The following ADAMTS14 variants were observed in gnomAD, a reference collection of about 807,000 sequenced individuals.
The protein encoded by ADAMTS14 is A disintegrin and metalloproteinase with thrombospondin motifs 14.
In ADAMTS14, 100 loss-of-function variants were observed where a neutral mutation model predicts 128.6. That is an observed-to-expected ratio of 0.78 (90% confidence interval 0.66 to 0.92). The LOEUF (loss-of-function observed/expected upper bound fraction) is 0.92, where lower values mean the gene tolerates loss of function less well. ADAMTS14 is among the 40% of genes least tolerant of loss of function. The probability of loss-of-function intolerance (pLI) is 0.00; values close to 1 mark genes in which losing one functional copy is unlikely to be tolerated. For synonymous variants in ADAMTS14, 665 were observed against 653.8 expected (o/e 1.02, Z -0.26); for missense variants, 1,562 against 1,658.6 (o/e 0.94, Z 1.01).
At chr10:70,738,252 C>G (rs1163771039) in intron 10 of ADAMTS14, among the ~76,000 whole-genome samples, 5 of 152,132 alleles carry the variant, frequency 3.3e-5, no homozygotes, top group Non-Finnish European at 7.4e-5. Context: ...TGTGCTAAGG[C>G]CTGTATAGAT....
At chr10:70,756,961 A>G (rs1051628319) in intron 19 of ADAMTS14, among the ~76,000 whole-genome samples, 1 of 151,900 alleles carries the variant, frequency 6.6e-6, no homozygotes, top group Non-Finnish European at 1.5e-5. Context: ...TGCTGTTTGT[A>G]ATGATTCATC....
intron 21 of ADAMTS14, among the ~76,000 whole-genome samples, chr10:70,758,873 G>A (rs1328095578): frequency 6.6e-6 from 1 of 152,166 alleles, no homozygotes; most frequent in Non-Finnish European, 1.5e-5. Flanking sequence ...CCCACGGATA[G>A]ATATTTACTG....
At chr10:70,711,160 A>C (rs1429229279) in intron 4 of ADAMTS14, among the ~76,000 whole-genome samples, 1 of 152,250 alleles carries the variant, frequency 6.6e-6, no homozygotes. Flanking sequence ...AATTGGAACT[A>C]GAGGAAGTTT....
At chr10:70,751,455 G>A (rs1842345876) in intron 16 of ADAMTS14, 23 bp from the exon 17 acceptor site, 2 of 1,592,948 alleles carry the variant, frequency 1.3e-6, no homozygotes, top group South Asian at 2.2e-5. Context: ...CTGGTCCTGT[G>A]CCAGCTCCCC....
At chr10:70,752,374 C>T in intron 18 of ADAMTS14, 147 bp downstream of exon 18, 1 of 1,224,874 alleles carries the variant, frequency 8.2e-7, no homozygotes, top group South Asian at 1.6e-5. Flanking sequence ...TTCTGGGCTC[C>T]AGGCCCAGGC....
chr10:70,679,538 G>A (rs1839741123), intron 2 of ADAMTS14, among the ~76,000 whole-genome samples: 1 of 152,218 alleles, frequency 6.6e-6, no homozygotes, highest in South Asian at 2.1e-4. Context: ...CTGCTTCTCA[G>A]TGGGGCTGCA....
intron 10 of ADAMTS14, 66 bp downstream of exon 10, chr10:70,736,859 G>A: frequency 6.8e-7 from 1 of 1,462,302 alleles, no homozygotes; most frequent in Non-Finnish European, 9.5e-7. Context: ...CTGGCATGGG[G>A]GTGGATCCCA....
Position 70,741,059 on chromosome 10 carries a change from T to G in ADAMTS14, c.1821T>G (p.Pro607=). The G allele has an allele frequency of 6.2e-7, 1 of 1,614,128 alleles. No homozygotes were observed. Among genetic ancestry groups the G allele is most frequent in the South Asian group, 1.1e-5 (1 of 91,076 alleles). ...EYQVCNSEEC[P]GTYEDFRAQQ... The stretch of plus-strand genomic sequence containing the variant: ...AGGTCTGCAACAGCGAGGAGTGCCC[T>G]GGGACCTACGAGGACTTCCGGGCCC... Residue 607 remains proline, a synonymous_variant, in exon 12 of 22, where the codon CCT becomes CCG. Transcript: ENST00000373207.
intron 6 of ADAMTS14, among the ~76,000 whole-genome samples, chr10:70,731,679 C>A (rs576013379): frequency 2.1e-4 from 32 of 152,354 alleles, no homozygotes; most frequent in Non-Finnish European, 3.8e-4. Context: ...CCCCTCAACT[C>A]CTTCCAAACC....
intron 2 of ADAMTS14, among the ~76,000 whole-genome samples, chr10:70,688,854 G>A (rs1238076741): frequency 0.37 from 3,398 of 9,224 alleles, 1,534 homozygotes; most frequent in East Asian, 0.96. Flanking sequence ...GGAGGGGGAG[G>A]GGGAGGGGGA....
chr10:70,729,169 A>C, intron 4 of ADAMTS14, 125 bp from the exon 5 acceptor site: 1 of 787,770 alleles, frequency 1.3e-6, no homozygotes, highest in Non-Finnish European at 2.1e-6. Context: ...GTAAAGTAGG[A>C]TAAGTATCTT....
intron 2 of ADAMTS14, among the ~76,000 whole-genome samples, chr10:70,678,916 A>G (rs972791803): frequency 1.3e-5 from 2 of 151,908 alleles, no homozygotes; most frequent in Non-Finnish European, 2.9e-5. Context: ...TGGTTAATTC[A>G]TGCCTAACAC....
chr10:70,739,809 G>C (rs1412317155), intron 11 of ADAMTS14, among the ~76,000 whole-genome samples: 4 of 152,200 alleles, frequency 2.6e-5, no homozygotes, highest in African/African-American at 9.7e-5. Flanking sequence ...TATCGCTAGG[G>C]ATGGGAAACT....
At chr10:70,710,786 G>A (rs749504138) in intron 4 of ADAMTS14, among the ~76,000 whole-genome samples, 8 of 152,240 alleles carry the variant, frequency 5.3e-5, no homozygotes, top group Non-Finnish European at 7.3e-5. Flanking sequence ...GCCATGCAGA[G>A]CATGCGCTGT....
chr10:70,757,826 T>A, intron 19 of ADAMTS14, 136 bp from the exon 20 acceptor site: 1 of 1,325,642 alleles, frequency 7.5e-7, no homozygotes, highest in East Asian at 2.3e-5. Flanking sequence ...TCTGGTCAAG[T>A]GAAGACTTGG....
chr10:70,700,827 A>G (rs550543885), intron 2 of ADAMTS14, among the ~76,000 whole-genome samples: 185 of 152,312 alleles, frequency 1.2e-3, no homozygotes, highest in Admixed American at 1.8e-3. Context: ...GTCCCTGCCC[A>G]TAGGAGGCAC....
chr10:70,682,039 C>G (rs1465529148), intron 2 of ADAMTS14, among the ~76,000 whole-genome samples: 1 of 152,272 alleles, frequency 6.6e-6, no homozygotes, highest in Admixed American at 6.5e-5. Context: ...GCTGTTCACA[C>G]CTTCCCTGTC....
chr10:70,749,477 C>G (rs978322992), intron 15 of ADAMTS14, among the ~76,000 whole-genome samples: 1 of 152,098 alleles, frequency 6.6e-6, no homozygotes, highest in Non-Finnish European at 1.5e-5. Flanking sequence ...GACTGGGCAA[C>G]CAAAGAAGAC....
chr10:70,749,956 G>A lies in ADAMTS14; in HGVS notation c.2398G>A (p.Gly800Arg), dbSNP rs748977303. The A allele has an allele frequency of 3.0e-5, 48 of 1,613,996 alleles. No homozygotes were observed. The highest frequency in any genetic ancestry group is 3.4e-5 in the Non-Finnish European group (40 of 1,180,030). ...EDAKESLKTS[G>R]PLPEAIAILA... ...TGCCAAGGAAAGCCTCAAGACCAGC[G>A]GGCCCCTGCCTGAAGCCATTGCCAT... The change falls in exon 16 of 22, where the codon GGG becomes AGG. Residue 800 changes from glycine to arginine, a missense_variant. By Grantham distance (125) the Gly-to-Arg change is moderately radical (BLOSUM62 -2). Coordinates refer to ENST00000373207, the MANE Select transcript of ADAMTS14 (RefSeq NM_080722.4).
Sources: allele counts gnomAD v4.1 joint callset (sites outside exome capture counted in the v4.1 genomes callset), GRCh38; gene constraint gnomAD v4.1.1; transcripts MANE v1.5; gene names NCBI Gene and HGNC (gene_info 2026-07-23, HGNC 2026-07-21).